MGAT4C: variants seen among roughly 807,000 people sequenced by gnomAD.
The protein encoded by MGAT4C is MGAT4 family member C.
Under a neutral mutation model 40.1 loss-of-function variants are expected in MGAT4C, and 19 were observed. The ratio of observed to expected loss-of-function variants is 0.47; its 90% CI spans 0.33 to 0.70. MGAT4C has a LOEUF of 0.70. Among genes scored for constraint, MGAT4C ranks in the 30% least tolerant of loss-of-function variants. The probability of loss-of-function intolerance (pLI) is 0.02; values close to 1 mark genes in which losing one functional copy is unlikely to be tolerated. For missense variants in MGAT4C, 491 were observed against 563.2 expected (o/e 0.87, Z 1.30); for synonymous variants, 181 against 187.1 (o/e 0.97, Z 0.27).
At chr12:85,991,954 C>T (rs1488081491) in intron 2 of MGAT4C, among the ~76,000 whole-genome samples, 1 of 152,106 alleles carries the variant, frequency 6.6e-6, no homozygotes, top group African/African-American at 2.4e-5. Flanking sequence ...ACCAGCGAGC[C>T]ATCTTCAGAA....
chr12:86,521,960 G>C (rs762828054), intron 2 of MGAT4C, among the ~76,000 whole-genome samples: 6 of 152,136 alleles, frequency 3.9e-5, no homozygotes, highest in Non-Finnish European at 8.8e-5. Flanking sequence ...TTGGTATCCT[G>C]AGAGTTTGTT....
rs750563997 is a variant in MGAT4C, at chr12:86,548,898, C to T, written c.-228-113633G>A. ...TTAAATATGTAAGAAGGAAACTTCT[C>T]GAAAAGGATGGAAGAAGCTAATTCC... is the stretch of plus-strand genomic sequence containing the variant. On this transcript the variant is annotated intron_variant, in intron 2 of 7. Transcript: ENST00000548651. 3.2e-4 allele frequency among the ~76,000 whole-genome samples: 49 copies of T among 152,126 alleles called. 1 individual carries two copies. The highest frequency in any genetic ancestry group is 2.8e-4 in the Non-Finnish European group (19 of 68,010).
At chr12:86,389,369 T>G (rs368994341) in intron 3 of MGAT4C, among the ~76,000 whole-genome samples, 12 of 152,314 alleles carry the variant, frequency 7.9e-5, no homozygotes, top group African/African-American at 2.9e-4. Flanking sequence ...GGAAAGGACA[T>G]GATGTCATTC....
intron 1 of MGAT4C, among the ~76,000 whole-genome samples, chr12:86,787,524 C>T (rs567998803): frequency 5.3e-5 from 8 of 151,534 alleles, no homozygotes; most frequent in Admixed American, 4.0e-4. Context: ...AAAAAAAAGT[C>T]CAACATCACT....
intron 2 of MGAT4C, among the ~76,000 whole-genome samples, chr12:86,705,244 A>G (rs760142426): frequency 6.6e-6 from 1 of 151,792 alleles, no homozygotes; most frequent in Non-Finnish European, 1.5e-5. Context: ...CTATCTATCT[A>G]TCTATCTATC....
intron 1 of MGAT4C, among the ~76,000 whole-genome samples, chr12:86,082,528 C>T (rs1871023921): frequency 6.6e-6 from 1 of 152,030 alleles, no homozygotes; most frequent in Non-Finnish European, 1.5e-5. Flanking sequence ...TTTAGTGCAA[C>T]ACAGATCAAC....
At chr12:86,176,396 G>A (rs997608849) in intron 1 of MGAT4C, among the ~76,000 whole-genome samples, 1 of 152,102 alleles carries the variant, frequency 6.6e-6, no homozygotes, top group Non-Finnish European at 1.5e-5. Flanking sequence ...CTTATTTTGT[G>A]TAACTTTCGC....
At chr12:86,703,754 T>C (rs1023000152) in intron 2 of MGAT4C, among the ~76,000 whole-genome samples, 3 of 151,238 alleles carry the variant, frequency 2.0e-5, no homozygotes, top group Non-Finnish European at 4.4e-5. Context: ...ATCTCCTATG[T>C]ATGCCTCTAC....
intron 2 of MGAT4C, chr12:86,495,341 A>T (rs1958218278): frequency 6.6e-6 from 1 of 152,168 alleles, no homozygotes; most frequent in Admixed American, 6.6e-5. Flanking sequence ...AGAGAGTTTG[A>T]CATTGTCTGT....
intron 1 of MGAT4C, among the ~76,000 whole-genome samples, chr12:86,829,149 T>C (rs1952868727): frequency 6.6e-6 from 1 of 151,586 alleles, no homozygotes. Context: ...TTTGCCTTAA[T>C]TTCAAGTATC....
intron 1 of MGAT4C, among the ~76,000 whole-genome samples, chr12:86,230,693 G>A (rs1951280257): frequency 6.6e-6 from 1 of 152,038 alleles, no homozygotes; most frequent in African/African-American, 2.4e-5. Context: ...ACTTTCATAT[G>A]TTTATATGGG....
chr12:86,664,318 C>T (rs1964048780), intron 2 of MGAT4C, among the ~76,000 whole-genome samples: 1 of 151,850 alleles, frequency 6.6e-6, no homozygotes, highest in Non-Finnish European at 1.5e-5. Flanking sequence ...TCCTTCTTCC[C>T]CTTTGCAGGA....
At chr12:85,986,266 T>C (rs766827898) in intron 3 of MGAT4C, among the ~76,000 whole-genome samples, 1 of 152,210 alleles carries the variant, frequency 6.6e-6, no homozygotes, top group Non-Finnish European at 1.5e-5. Flanking sequence ...GTAGTATATT[T>C]CTCAGTAATA....
intron 1 of MGAT4C, among the ~76,000 whole-genome samples, chr12:86,095,439 G>T (rs1873741332): frequency 6.6e-6 from 1 of 151,624 alleles, no homozygotes; most frequent in Non-Finnish European, 1.5e-5. Context: ...TACAATTATG[G>T]ACAATATTTA....
At chr12:86,724,742 A>G (rs1950794224) in intron 2 of MGAT4C, among the ~76,000 whole-genome samples, 1 of 152,204 alleles carries the variant, frequency 6.6e-6, no homozygotes, top group Non-Finnish European at 1.5e-5. Flanking sequence ...AAAGCTTAAA[A>G]ATCAACATTA....
intron 2 of MGAT4C, among the ~76,000 whole-genome samples, chr12:85,998,825 C>T (rs1172885998): frequency 5.3e-5 from 8 of 152,128 alleles, no homozygotes; most frequent in Non-Finnish European, 1.0e-4. Context: ...TTCTTCTGAG[C>T]CCCCCAAACT....
At chr12:86,793,393 A>G (rs955206019) in intron 1 of MGAT4C, among the ~76,000 whole-genome samples, 3 of 152,066 alleles carry the variant, frequency 2.0e-5, no homozygotes, top group African/African-American at 7.2e-5. Context: ...TAAAATATTT[A>G]TTGTTGCCAT....
intron 2 of MGAT4C, among the ~76,000 whole-genome samples, chr12:86,636,324 C>T (rs1963218395): frequency 6.6e-6 from 1 of 152,004 alleles, no homozygotes; most frequent in African/African-American, 2.4e-5. Flanking sequence ...ATAAACCTTC[C>T]ACAGTAATGA....
chr12:86,043,402 G>C (rs1892067841), intron 2 of MGAT4C, among the ~76,000 whole-genome samples: 1 of 152,140 alleles, frequency 6.6e-6, no homozygotes. Flanking sequence ...AGGCCCAAGA[G>C]TCTAAAAGCT....
Sources: allele counts gnomAD v4.1 joint callset (sites outside exome capture counted in the v4.1 genomes callset), GRCh38; gene constraint gnomAD v4.1.1; transcripts MANE v1.5; gene names NCBI Gene and HGNC (gene_info 2026-07-23, HGNC 2026-07-21).